CUX1: variants seen among roughly 807,000 people sequenced by gnomAD.
The protein encoded by CUX1 is protein CASP.
CUX1 carries 31 observed loss-of-function variants against 158.8 expected under a neutral mutation model. The ratio of observed to expected loss-of-function variants is 0.20; its 90% CI spans 0.15 to 0.26. The LOEUF (loss-of-function observed/expected upper bound fraction) is 0.26, where lower values mean the gene tolerates loss of function less well. Among genes scored for constraint, CUX1 ranks in the 10% least tolerant of loss-of-function variants. The probability of loss-of-function intolerance (pLI) is 1.00; values close to 1 mark genes in which losing one functional copy is unlikely to be tolerated. For synonymous variants in CUX1, 879 were observed against 862.1 expected, an observed-to-expected ratio of 1.02 and a Z score of -0.34; for missense variants, 1,589 against 2,014.6, an observed-to-expected ratio of 0.79 and a Z score of 4.04.
intron 1 of CUX1, among the ~76,000 whole-genome samples, chr7:101,890,622 G>C (rs1305889802): frequency 6.6e-6 from 1 of 152,120 alleles, no homozygotes; most frequent in East Asian, 1.9e-4. Flanking sequence ...AAAACGGTGA[G>C]TCCCTTTTAT....
Position 102,252,548 on chromosome 7 carries a change from G to C in CUX1, c.*3506G>C, listed in dbSNP as rs567151939. On this transcript the variant is annotated 3_prime_UTR_variant, in exon 24 of 24. Coordinates refer to ENST00000292535, the MANE Select transcript of CUX1 (RefSeq NM_181552.4). Reference sequence around the variant, plus strand: ...TTGGAGGCATTGTTCATAACTTAAGGCTTTTGCCATTAACTTAGCTGGCTA... The same window carrying C: ...TTGGAGGCATTGTTCATAACTTAAGCCTTTTGCCATTAACTTAGCTGGCTA... 2.0e-5 allele frequency: 20 copies of C among 985,424 alleles called. No individual in the cohort carries two copies. The East Asian group carries it at 4.5e-4, about 22-fold the overall frequency. 61.0% of individuals were successfully genotyped at this position (985,424 alleles called of 1,614,324 possible). A position where few individuals can be genotyped will look rare whatever the true frequency, so the allele number is the denominator to read the frequency against.
intron 1 of CUX1, among the ~76,000 whole-genome samples, chr7:101,832,789 A>G (rs1794198874): frequency 6.6e-6 from 1 of 152,154 alleles, no homozygotes; most frequent in Non-Finnish European, 1.5e-5. Flanking sequence ...TGGTACTAGG[A>G]CTGCCACTTC....
chr7:102,175,518 C>A (rs1346177573), intron 10 of CUX1, among the ~76,000 whole-genome samples: 4 of 152,126 alleles, frequency 2.6e-5, no homozygotes, highest in African/African-American at 9.7e-5. Flanking sequence ...TGTCCAGGCG[C>A]CTCTGGCTAC....
chr7:101,970,019 T>C (rs944368228), intron 2 of CUX1, among the ~76,000 whole-genome samples: 45 of 149,792 alleles, frequency 3.0e-4, no homozygotes, highest in African/African-American at 1.1e-3. Context: ...GTTACTCTTG[T>C]AGTTTACATG....
intron 11 of CUX1, among the ~76,000 whole-genome samples, chr7:102,181,041 A>G (rs1793032624): frequency 6.6e-6 from 1 of 151,532 alleles, no homozygotes; most frequent in East Asian, 1.9e-4. Context: ...TCCCATGTTC[A>G]AGTGATTCTC....
At chr7:102,158,742 C>T (rs1380600576) in intron 9 of CUX1, 134 bp downstream of exon 9, 2 of 780,512 alleles carry the variant, frequency 2.6e-6, no homozygotes, top group Non-Finnish European at 4.3e-6. Flanking sequence ...AACGTCGATG[C>T]TCCTTCTGTT....
chr7:101,950,765 G>T (rs1808969593), intron 2 of CUX1, among the ~76,000 whole-genome samples: 1 of 151,964 alleles, frequency 6.6e-6, no homozygotes, highest in Non-Finnish European at 1.5e-5. Context: ...TGGCCAGGCT[G>T]GTCTCAAAAA....
chr7:102,096,896 A>T (rs1829255113), intron 4 of CUX1, among the ~76,000 whole-genome samples: 1 of 152,170 alleles, frequency 6.6e-6, no homozygotes, highest in African/African-American at 2.4e-5. Flanking sequence ...GTGTCCCGTG[A>T]ACTGTGTGGC....
intron 22 of CUX1, among the ~76,000 whole-genome samples, chr7:102,237,959 G>C (rs1313958444): frequency 6.6e-6 from 1 of 152,206 alleles, no homozygotes; most frequent in African/African-American, 2.4e-5. Flanking sequence ...GAGACAAAGA[G>C]AGAAACAACC....
chr7:102,150,586 G>T (rs782660161), intron 8 of CUX1, among the ~76,000 whole-genome samples: 32 of 152,194 alleles, frequency 2.1e-4, no homozygotes, highest in Non-Finnish European at 4.4e-4. Context: ...TGATGCCAGC[G>T]TGCTTATTTG....
intron 20 of CUX1, among the ~76,000 whole-genome samples, chr7:102,215,068 C>T (rs1563421857): frequency 6.6e-6 from 1 of 152,262 alleles, no homozygotes; most frequent in African/African-American, 2.4e-5. Context: ...AGAGGACACC[C>T]GGGCCCCAGA....
At position 102,277,958 on chromosome 7, in the gene CUX1, C is replaced by G. The variant is rs138450169; in HGVS notation, c.1573C>G (p.Leu525Val). Residue 525 changes from leucine (L) to valine (V), a missense_variant, in exon 18 of 23, where the codon CTG becomes GTG. By Grantham distance (32) the Leu-to-Val change is conservative. Coordinates refer to the CUX1 transcript ENST00000292538. ...GCCCCTCCCCCCCCAGGAGAACCGC[C>G]TGGCCCAGCACACCCTCCAGGCCCT... 6.9e-3 allele frequency: 10,591 copies of G among 1,537,252 alleles called. 53 individuals carry two copies. Among genetic ancestry groups the G allele is most frequent in the Non-Finnish European group, 7.7e-3 (8,788 of 1,135,254 alleles).
chr7:102,218,784 G>A (rs1797496124), intron 20 of CUX1, among the ~76,000 whole-genome samples: 1 of 151,990 alleles, frequency 6.6e-6, no homozygotes, highest in Non-Finnish European at 1.5e-5. Context: ...CAGGCACGGT[G>A]GCTCAGGCCC....
intron 1 of CUX1, among the ~76,000 whole-genome samples, chr7:101,902,939 G>T (rs1261482552): frequency 6.6e-6 from 1 of 152,142 alleles, no homozygotes; most frequent in Admixed American, 6.5e-5. Flanking sequence ...AATGGCTGAT[G>T]TTTCTTAATT....
chr7:101,858,645 C>T (rs1036317080), intron 1 of CUX1, among the ~76,000 whole-genome samples: 4 of 148,728 alleles, frequency 2.7e-5, no homozygotes, highest in African/African-American at 1.0e-4. Flanking sequence ...TACTTTGGCC[C>T]TTAGAATGCG....
chr7:101,907,015 G>A (rs1238142136), intron 1 of CUX1, among the ~76,000 whole-genome samples: 2 of 152,178 alleles, frequency 1.3e-5, no homozygotes, highest in Non-Finnish European at 2.9e-5. Flanking sequence ...AGAACACTGT[G>A]GCCATCATTC....
chr7:101,864,037 C>T (rs1253821182), intron 1 of CUX1, among the ~76,000 whole-genome samples: 7 of 152,146 alleles, frequency 4.6e-5, no homozygotes, highest in Admixed American at 2.6e-4. Context: ...ACCCAGTTTT[C>T]GTTTCTTTTG....
At chr7:102,005,880 C>T (rs1817302450) in intron 2 of CUX1, among the ~76,000 whole-genome samples, 1 of 152,180 alleles carries the variant, frequency 6.6e-6, no homozygotes, top group Non-Finnish European at 1.5e-5. Context: ...CATTAGCATC[C>T]CAGGCTACAA....
intron 11 of CUX1, among the ~76,000 whole-genome samples, chr7:102,189,044 C>G (rs1793976054): frequency 6.6e-6 from 1 of 152,084 alleles, no homozygotes; most frequent in South Asian, 2.1e-4. Flanking sequence ...CTCGACTGAA[C>G]AGGTCCCTGC....
Sources: allele counts gnomAD v4.1 joint callset (sites outside exome capture counted in the v4.1 genomes callset), GRCh38; gene constraint gnomAD v4.1.1; transcripts MANE v1.5; gene names NCBI Gene and HGNC (gene_info 2026-07-23, HGNC 2026-07-21).